The following SEL1L2 variants were observed in gnomAD, a reference collection of about 807,000 sequenced individuals.
SEL1L2 encodes the protein protein sel-1 homolog 2.
SEL1L2 carries 89 observed loss-of-function variants against 98.8 expected under a neutral mutation model. That is an observed-to-expected ratio of 0.90 (90% CI 0.76 to 1.07). The LOEUF (loss-of-function observed/expected upper bound fraction) is 1.07. Among genes scored for constraint, SEL1L2 ranks in the 50% least tolerant of loss-of-function variants. The pLI, the probability that SEL1L2 is intolerant of heterozygous loss-of-function variation, is 0.00. For missense variants in SEL1L2, 788 were observed against 812.0 expected, an observed-to-expected ratio of 0.97 and a Z score of 0.36; for synonymous variants, 262 against 278.5, an observed-to-expected ratio of 0.94 and a Z score of 0.59.
chr20:13,930,507 G>A (rs1351719431), intron 3 of SEL1L2, among the ~76,000 whole-genome samples: 1 of 152,142 alleles, frequency 6.6e-6, no homozygotes. Flanking sequence ...CTTCTCAGAT[G>A]ACTCAATTTA....
At position 13,876,025 on chromosome 20, in the gene SEL1L2, A is replaced by T. The variant is rs560621629; in HGVS notation, c.1104+13T>A. On this transcript the variant is annotated intron_variant, in intron 12 of 19. Coordinates refer to ENST00000284951, the MANE Select transcript of SEL1L2 (RefSeq NM_025229.2). The stretch of plus-strand genomic sequence containing the variant: ...TGTGTGTATGTGTTTACAACAGTGC[A>T]TTGAGGACATACCTTACTGGCTGCC... 26 of 1,604,304 alleles carry T rather than the reference A, an allele frequency of 1.6e-5. No homozygotes were observed. The East Asian group carries it at 5.8e-4, about 36-fold the overall frequency.
chr20:13,884,505 T>TTTTTTTTA (rs1290247966), intron 10 of SEL1L2, among the ~76,000 whole-genome samples: 1 of 145,986 alleles, frequency 6.8e-6, no homozygotes, highest in Non-Finnish European at 1.5e-5. Flanking sequence ...AACTTATTTA[T>TTTTTTTTA]TTTTTTTATT....
chr20:13,992,427 C>T (rs1325707013), upstream of SEL1L2, among the ~76,000 whole-genome samples: 1 of 152,106 alleles, frequency 6.6e-6, no homozygotes, highest in African/African-American at 2.4e-5. Context: ...TTGCTTGAAC[C>T]TGGGAGGCAG....
At chr20:13,905,260 G>T (rs895097342) in intron 5 of SEL1L2, among the ~76,000 whole-genome samples, 3 of 151,926 alleles carry the variant, frequency 2.0e-5, no homozygotes. Context: ...AAGATCTTAC[G>T]GGCTATCGTG....
chr20:13,987,311 G>GTTT (rs67919960), intron 1 of SEL1L2, among the ~76,000 whole-genome samples: 159 of 132,168 alleles, frequency 1.2e-3, no homozygotes, highest in African/African-American at 4.5e-3. Context: ...TTAATTTACT[G>GTTT]TTTTTTTTTT....
intron 3 of SEL1L2, among the ~76,000 whole-genome samples, chr20:13,928,826 C>T (rs2049005735): frequency 6.6e-6 from 1 of 152,154 alleles, no homozygotes. Flanking sequence ...GTTTAATACA[C>T]ATAAATGTAA....
At chr20:13,887,670 G>T (rs1600619879) in intron 8 of SEL1L2, 99 bp downstream of exon 8, 2 of 760,582 alleles carry the variant, frequency 2.6e-6, no homozygotes, top group South Asian at 1.7e-5. Context: ...GTACACTTTT[G>T]ATATTTTCAT....
intron 5 of SEL1L2, among the ~76,000 whole-genome samples, chr20:13,890,288 C>T (rs1393146669): frequency 6.6e-6 from 1 of 152,048 alleles, no homozygotes; most frequent in African/African-American, 2.4e-5. Context: ...GTATATTTTC[C>T]ATCCCTAGGG....
At chr20:13,942,966 G>C (rs1327978892) in intron 2 of SEL1L2, among the ~76,000 whole-genome samples, 2 of 152,002 alleles carry the variant, frequency 1.3e-5, no homozygotes, top group African/African-American at 2.4e-5. Context: ...ACAATCTCAG[G>C]ATACATTTTC....
chr20:13,874,749 G>C (rs6042405), intron 12 of SEL1L2, among the ~76,000 whole-genome samples: 17,286 of 152,146 alleles, frequency 0.11, 1,060 homozygotes, highest in African/African-American at 0.16. Context: ...CTCTGAGGTG[G>C]TAGTCACTTA....
intron 2 of SEL1L2, among the ~76,000 whole-genome samples, chr20:13,937,643 G>T (rs2049522029): frequency 6.6e-6 from 1 of 152,184 alleles, no homozygotes; most frequent in African/African-American, 2.4e-5. Context: ...TTCTGCAACA[G>T]TAGCTCACTG....
chr20:13,976,245 C>T (rs1039063296), intron 1 of SEL1L2, among the ~76,000 whole-genome samples: 5 of 152,216 alleles, frequency 3.3e-5, no homozygotes, highest in East Asian at 3.9e-4. Context: ...CGTGATCCAC[C>T]GGCCTCGGCC....
rs201618416 is a variant in SEL1L2, at chr20:13,885,367, C to G, written c.937G>C (p.Gly313Arg). 1.2e-6 allele frequency: 2 copies of G among 1,606,274 alleles called. No individual in the cohort carries two copies. Among genetic ancestry groups the G allele is most frequent in the Non-Finnish European group, 1.7e-6 (2 of 1,172,888 alleles). ...CTTACGTAGTAATCCTGATCTAGAC[C>G]TTTCCTGCCAATTAGATGTAATTGT... ...LGQLHLIGRK[G>R]LDQDYYKALH... Residue 313 changes from glycine (G) to arginine (R), a missense_variant, in exon 10 of 20, where the codon GGT becomes CGT. Physicochemically the swap from Gly to Arg is moderately radical, Grantham distance 125. Transcript: ENST00000284951.
At chr20:13,987,762 T>G (rs2052304108) in intron 1 of SEL1L2, among the ~76,000 whole-genome samples, 1 of 152,246 alleles carries the variant, frequency 6.6e-6, no homozygotes, top group Non-Finnish European at 1.5e-5. Flanking sequence ...TTTCATGTGC[T>G]TGGTCATTTG....
intron 17 of SEL1L2, among the ~76,000 whole-genome samples, chr20:13,863,078 G>A (rs1371730634): frequency 6.6e-6 from 1 of 152,124 alleles, no homozygotes; most frequent in Non-Finnish European, 1.5e-5. Flanking sequence ...CAGTAACTGG[G>A]AGCAAGAACT....
At chr20:13,863,299 C>T (rs2147796273) in intron 17 of SEL1L2, among the ~76,000 whole-genome samples, 1 of 152,290 alleles carries the variant, frequency 6.6e-6, no homozygotes, top group South Asian at 2.1e-4. Flanking sequence ...TCCCTGAAGC[C>T]TCTAAGAATG....
At chr20:13,849,808 A>C (rs1987923870) in intron 19 of SEL1L2, among the ~76,000 whole-genome samples, 1 of 152,192 alleles carries the variant, frequency 6.6e-6, no homozygotes, top group Non-Finnish European at 1.5e-5. Context: ...CCAAAGATTT[A>C]GACACTTTAC....
At chr20:13,939,665 CTTTTTTTT>C (rs3042764) in intron 2 of SEL1L2, among the ~76,000 whole-genome samples, 98,612 of 139,248 alleles carry the variant, frequency 0.71, 34,250 homozygotes, top group East Asian at 0.82. Flanking sequence ...CACCCTTATT[CTTTTTTTT>C]TTTTTTTTTT....
At chr20:13,897,880 C>G (rs1022169079) in intron 5 of SEL1L2, among the ~76,000 whole-genome samples, 7 of 145,102 alleles carry the variant, frequency 4.8e-5, no homozygotes, top group African/African-American at 1.8e-4. Context: ...AACAAAAAAA[C>G]AAAACAAAAA....
Sources: allele counts gnomAD v4.1 joint callset (sites outside exome capture counted in the v4.1 genomes callset), GRCh38; gene constraint gnomAD v4.1.1; transcripts MANE v1.5; gene names NCBI Gene and HGNC (gene_info 2026-07-23, HGNC 2026-07-21).